RNF10: variants seen among roughly 807,000 people sequenced by gnomAD.
RNF10 encodes the protein E3 ubiquitin-protein ligase RNF10.
RNF10 carries 38 observed loss-of-function variants against 91.4 expected under a neutral mutation model. That is an observed-to-expected ratio of 0.42 (90% CI 0.32 to 0.54). RNF10 has a LOEUF of 0.54. Among genes scored for constraint, RNF10 ranks in the 20% least tolerant of loss-of-function variants. The pLI is 0.16. For missense variants in RNF10, 945 were observed against 1,012.0 expected (o/e 0.93, Z 0.90); for synonymous variants, 364 against 366.3 (o/e 0.99, Z 0.07).
intron 12 of RNF10, 71 bp downstream of exon 12, chr12:120,565,600 C>T: frequency 3.0e-6 from 4 of 1,350,852 alleles, no homozygotes; most frequent in Admixed American, 1.9e-5. Context: ...TGTCTGGGAC[C>T]TGGGAGCCAG....
At chr12:120,552,434 TGG>T in intron 2 of RNF10, 63 bp from the exon 3 acceptor site, 3 of 1,391,490 alleles carry the variant, frequency 2.2e-6, no homozygotes, top group Non-Finnish European at 2.0e-6. Flanking sequence ...GGGTTTTTTT[TGG>T]GTTTCTGCTA....
In RNF10 at chr12:120,545,667, A is replaced by T. The variant is rs529456254; in HGVS notation, c.158-738A>T. On this transcript the variant is annotated intron_variant, in intron 1 of 16. Coordinates refer to ENST00000325954, the MANE Select transcript of RNF10 (RefSeq NM_014868.5). ...GTTCTCCTGCCTCAGCCTCCCAAGT[A>T]TCTGGGATTATAGGTGCCCGCCACC... Among the ~76,000 whole-genome samples the T allele has an allele frequency of 1.1e-3, 163 of 151,880 alleles. 3 individuals are homozygous for T. Among genetic ancestry groups the T allele is most frequent in the Admixed American group, 3.6e-3 (55 of 15,238 alleles).
chr12:120,570,950 TCTAGAGTTA>T (rs1876525375), intron 13 of RNF10, among the ~76,000 whole-genome samples: 1 of 152,198 alleles, frequency 6.6e-6, no homozygotes. Context: ...TACCATGACT[TCTAGAGTTA>T]CTGTAACGAT....
At chr12:120,564,485 TATG>T (rs1875376037) in intron 10 of RNF10, among the ~76,000 whole-genome samples, 1 of 151,938 alleles carries the variant, frequency 6.6e-6, no homozygotes, top group Non-Finnish European at 1.5e-5. Context: ...ATTAGCTGGG[TATG>T]ATGATGTGCA....
In RNF10 at chr12:120,557,413, G is replaced by A. The variant is rs144536329; in HGVS notation, c.777G>A (p.Thr259=). ...ACTATCTTTCACTGAGTGAGAAGAC[G>A]TGGAGTAAATGTCCCATCTGTTACA... The part of the protein sequence containing the change: ...ILHYLSLSEK[T]WSKCPICYSS... Residue 259 remains threonine (T), a synonymous_variant, in exon 5 of 17, where the codon ACG becomes ACA. Transcript: ENST00000325954. 285 of 1,614,018 alleles carry A rather than the reference G, an allele frequency of 1.8e-4. No homozygotes were observed. The highest frequency in any genetic ancestry group is 2.3e-4 in the Non-Finnish European group (272 of 1,180,030).
intron 13 of RNF10, 70 bp from the exon 14 acceptor site, chr12:120,571,121 A>T (rs564594622): frequency 3.7e-5 from 36 of 980,820 alleles, no homozygotes; most frequent in Non-Finnish European, 5.7e-5. Context: ...CTCAGGGCTC[A>T]CTCATCTCTC....
At chr12:120,572,386 G>A (rs1876779045) in intron 14 of RNF10, among the ~76,000 whole-genome samples, 1 of 151,886 alleles carries the variant, frequency 6.6e-6, no homozygotes, top group Non-Finnish European at 1.5e-5. Flanking sequence ...CTTTAGAGCA[G>A]TTGATACGGA....
Position 120,563,606 on chromosome 12 carries a change from G to A in RNF10, c.1514G>A (p.Cys505Tyr). Reference sequence around the variant, plus strand: ...TTCACACGCCTCAGCAGCTCTCCTTGTTACTACTTTTACCAAGGTGAGGGT... The same window carrying A: ...TTCACACGCCTCAGCAGCTCTCCTTATTACTACTTTTACCAAGGTGAGGGT... ...SGFTRLSSSP[C>Y]YYFYQAEDGQ... is the part of the protein sequence containing the mutation. The change falls in exon 9 of 17, where the codon TGT (cysteine) becomes TAT (tyrosine). Residue 505 changes from cysteine (C) to tyrosine (Y), a missense_variant. Physicochemically the swap from Cys to Tyr is radical, Grantham distance 194. Transcript: ENST00000325954. 6.2e-7 allele frequency: 1 copy of A among 1,602,322 alleles called. No homozygotes were observed. Among genetic ancestry groups the A allele is most frequent in the South Asian group, 1.1e-5 (1 of 89,510 alleles).
chr12:120,575,536 G>T (rs1877270088), intron 14 of RNF10, 95 bp from the exon 15 acceptor site: 2 of 1,307,180 alleles, frequency 1.5e-6, no homozygotes, highest in Non-Finnish European at 2.2e-6. Context: ...GGTGATAGTT[G>T]GTTCTGTGCC....
At chr12:120,537,409 C>A (rs1205131931) in intron 1 of RNF10, among the ~76,000 whole-genome samples, 1 of 152,104 alleles carries the variant, frequency 6.6e-6, no homozygotes, top group African/African-American at 2.4e-5. Context: ...GGTGGATCAT[C>A]TGAGTTCAGG....
chr12:120,551,301 T>G (rs1034947483), intron 2 of RNF10, among the ~76,000 whole-genome samples: 1 of 146,366 alleles, frequency 6.8e-6, no homozygotes, highest in African/African-American at 2.5e-5. Flanking sequence ...TTTTTTTTTT[T>G]TTTTTTTTTT....
chr12:120,543,186 T>C (rs777004659), intron 1 of RNF10, among the ~76,000 whole-genome samples: 9 of 152,242 alleles, frequency 5.9e-5, no homozygotes, highest in Non-Finnish European at 1.2e-4. Flanking sequence ...GAAATAATTT[T>C]TTCTAAGTTT....
At chr12:120,559,085 T>C (rs1471351684) in intron 6 of RNF10, among the ~76,000 whole-genome samples, 1 of 151,224 alleles carries the variant, frequency 6.6e-6, no homozygotes, top group African/African-American at 2.4e-5. Flanking sequence ...TTTTAAAAAA[T>C]TAACTGGGCA....
intron 14 of RNF10, among the ~76,000 whole-genome samples, chr12:120,572,893 G>C (rs574858): frequency 1.5e-5 from 2 of 134,966 alleles, no homozygotes; most frequent in Non-Finnish European, 1.5e-5. Context: ...GAACCACTGC[G>C]CCTGGCCTTT....
Position 120,577,217 on chromosome 12 carries a change from G to C in RNF10, c.*551G>C. 2.2e-6 allele frequency: 1 copy of C among 453,630 alleles called. No homozygotes were observed. Among genetic ancestry groups the C allele is most frequent in the Non-Finnish European group, 4.4e-6 (1 of 225,786 alleles). 28.1% of individuals were successfully genotyped at this position (453,630 alleles called of 1,614,324 possible). A position where few individuals can be genotyped will look rare whatever the true frequency, so the allele number is the denominator to read the frequency against. On this transcript the variant is annotated 3_prime_UTR_variant, in exon 17 of 17. Coordinates refer to ENST00000325954, the MANE Select transcript of RNF10 (RefSeq NM_014868.5). ...TTTTCTGACACATGGCCAGGCTGTGGTGCCAGCTTAATGGAGTAGGCTGTC... is the reference window on the plus strand; with the variant it reads ...TTTTCTGACACATGGCCAGGCTGTGCTGCCAGCTTAATGGAGTAGGCTGTC...
At chr12:120,574,465 C>T (rs1249374518) in intron 14 of RNF10, 3 of 455,906 alleles carry the variant, frequency 6.6e-6, no homozygotes, top group Admixed American at 4.7e-5. Flanking sequence ...ATTGTCCTTG[C>T]AGGAATTTTA....
intron 4 of RNF10, 73 bp downstream of exon 4, chr12:120,554,881 T>C: frequency 8.4e-7 from 1 of 1,186,026 alleles, no homozygotes; most frequent in Non-Finnish European, 1.3e-6. Flanking sequence ...ACGCAGCAGC[T>C]GTTGGCTGTG....
chr12:120,540,294 C>G (rs549699571), intron 1 of RNF10, among the ~76,000 whole-genome samples: 1 of 151,898 alleles, frequency 6.6e-6, no homozygotes, highest in Non-Finnish European at 1.5e-5. Context: ...AGATTGAACC[C>G]GTGGGTCCTG....
chr12:120,575,561 A>G, intron 14 of RNF10, 70 bp from the exon 15 acceptor site: 1 of 1,550,712 alleles, frequency 6.4e-7, no homozygotes, highest in Non-Finnish European at 8.9e-7. Flanking sequence ...CAGTTAGTCA[A>G]GGTAGGTCTG....
Sources: allele counts gnomAD v4.1 joint callset (sites outside exome capture counted in the v4.1 genomes callset), GRCh38; gene constraint gnomAD v4.1.1; transcripts MANE v1.5; gene names NCBI Gene and HGNC (gene_info 2026-07-23, HGNC 2026-07-21).